The following GRIK2 variants were observed in gnomAD, a reference collection of about 807,000 sequenced individuals.
GRIK2 encodes the protein glutamate ionotropic receptor kainate type subunit 2, also known as glutamate receptor ionotropic, kainate 2.
In GRIK2, 32 loss-of-function variants were observed where a neutral mutation model predicts 100.3. The ratio of observed to expected loss-of-function variants is 0.32; its 90% CI spans 0.24 to 0.43. GRIK2 has a LOEUF of 0.43. GRIK2 is among the 20% of genes least tolerant of loss of function. The probability of loss-of-function intolerance (pLI) is 1.00; values close to 1 mark genes in which losing one functional copy is unlikely to be tolerated. For synonymous variants in GRIK2, 417 were observed against 389.4 expected (o/e 1.07, Z -0.83); for missense variants, 843 against 1,114.9 (o/e 0.76, Z 3.47).
intron 2 of GRIK2, among the ~76,000 whole-genome samples, chr6:101,418,399 C>T (rs1267168532): frequency 6.6e-6 from 1 of 152,008 alleles, no homozygotes; most frequent in Non-Finnish European, 1.5e-5. Context: ...TACTAGATTA[C>T]GTATCGAGGG....
intron 14 of GRIK2, among the ~76,000 whole-genome samples, chr6:101,979,627 G>A (rs961867745): frequency 1.3e-5 from 2 of 151,964 alleles, no homozygotes; most frequent in Non-Finnish European, 1.5e-5. Context: ...TTGGATTGCT[G>A]TGGGAGGAAT....
chr6:101,504,609 G>C (rs1267066177), intron 2 of GRIK2, among the ~76,000 whole-genome samples: 1 of 151,642 alleles, frequency 6.6e-6, no homozygotes, highest in Non-Finnish European at 1.5e-5. Flanking sequence ...TATATAGAGA[G>C]ATATAAACTG....
At chr6:101,859,143 T>C (rs1784600928) in intron 10 of GRIK2, 144 bp from the exon 11 acceptor site, 6 of 572,526 alleles carry the variant, frequency 1.0e-5, no homozygotes, top group Non-Finnish European at 1.9e-5. Flanking sequence ...ATTCTAGACT[T>C]CATTAATTAT....
At chr6:101,956,851 G>T (rs1284281298) in intron 14 of GRIK2, among the ~76,000 whole-genome samples, 4 of 128,612 alleles carry the variant, frequency 3.1e-5, no homozygotes, top group African/African-American at 7.5e-5. Context: ...AAGAATTATA[G>T]ATATATACAT....
At chr6:101,970,580 T>C (rs1792981801) in intron 14 of GRIK2, among the ~76,000 whole-genome samples, 2 of 151,772 alleles carry the variant, frequency 1.3e-5, no homozygotes, top group South Asian at 4.1e-4. Context: ...CAGGTCATTG[T>C]CATGTTCTTT....
At chr6:101,968,899 A>C (rs893493409) in intron 14 of GRIK2, among the ~76,000 whole-genome samples, 1 of 152,046 alleles carries the variant, frequency 6.6e-6, no homozygotes, top group African/African-American at 2.4e-5. Flanking sequence ...TTCATTGTTC[A>C]TAACACAATG....
chr6:101,938,489 A>T (rs1790744685), intron 14 of GRIK2, among the ~76,000 whole-genome samples: 1 of 152,124 alleles, frequency 6.6e-6, no homozygotes, highest in African/African-American at 2.4e-5. Flanking sequence ...AAACTTGGTC[A>T]AACATTGATG....
intron 11 of GRIK2, among the ~76,000 whole-genome samples, chr6:101,885,791 G>A (rs558215739): frequency 6.6e-6 from 1 of 152,004 alleles, no homozygotes; most frequent in South Asian, 2.1e-4. Context: ...CAGATGAATT[G>A]TGCAGAAAGT....
At chr6:101,407,222 C>A (rs971637026) in intron 2 of GRIK2, among the ~76,000 whole-genome samples, 5 of 152,164 alleles carry the variant, frequency 3.3e-5, no homozygotes, top group South Asian at 2.1e-4. Context: ...TCGGGTCCTT[C>A]CTTCCCCAGA....
intron 2 of GRIK2, among the ~76,000 whole-genome samples, chr6:101,437,173 C>T (rs1180528727): frequency 1.3e-5 from 2 of 152,012 alleles, no homozygotes; most frequent in African/African-American, 4.8e-5. Context: ...TGCAAGCAAG[C>T]AACAATAGAC....
chr6:101,439,908 T>A, intron 2 of GRIK2, among the ~76,000 whole-genome samples: 1 of 152,124 alleles, frequency 6.6e-6, no homozygotes, highest in Non-Finnish European at 1.5e-5. Context: ...AAAAGAAGAC[T>A]CCTGAAAAGA....
chr6:101,869,685 A>G (rs2128447645), intron 11 of GRIK2, among the ~76,000 whole-genome samples: 1 of 151,994 alleles, frequency 6.6e-6, no homozygotes, highest in Non-Finnish European at 1.5e-5. Context: ...TGAGGAAAAA[A>G]GGGCTTTATT....
chr6:101,589,700 G>A (rs570989353), intron 2 of GRIK2, among the ~76,000 whole-genome samples: 31 of 152,128 alleles, frequency 2.0e-4, no homozygotes, highest in Non-Finnish European at 3.8e-4. Context: ...GCTCAGTATT[G>A]GTTTTTATTT....
At chr6:101,708,465 C>T (rs1773487399) in intron 7 of GRIK2, among the ~76,000 whole-genome samples, 1 of 150,786 alleles carries the variant, frequency 6.6e-6, no homozygotes, top group East Asian at 2.0e-4. Context: ...TATATTTTTT[C>T]ATAATTTTTA....
chr6:101,732,906 A>T (rs1775373639), intron 7 of GRIK2, among the ~76,000 whole-genome samples: 2 of 152,080 alleles, frequency 1.3e-5, no homozygotes, highest in African/African-American at 4.8e-5. Context: ...GGAGAGAAAG[A>T]GAGAGCAAGG....
chr6:101,467,519 A>C (rs1771708150), intron 2 of GRIK2, among the ~76,000 whole-genome samples: 1 of 152,202 alleles, frequency 6.6e-6, no homozygotes, highest in Admixed American at 6.5e-5. Context: ...ATTCAAATGC[A>C]AGCTTAAGGT....
At chr6:101,707,592 GTGTATATATGTGTGTATA>G (rs1773414197) in intron 7 of GRIK2, among the ~76,000 whole-genome samples, 4 of 128,210 alleles carry the variant, frequency 3.1e-5, no homozygotes, top group East Asian at 5.1e-4. Flanking sequence ...GTGTGTGTGT[GTGTATATATGTGTGTATA>G]TATATATATA....
chr6:101,494,290 A>C (rs1006474097), intron 2 of GRIK2, among the ~76,000 whole-genome samples: 1 of 151,226 alleles, frequency 6.6e-6, no homozygotes, highest in African/African-American at 2.4e-5. Flanking sequence ...TCGAACTGTT[A>C]AATGCCCATT....
chr6:101,728,577 C>T (rs1775033949), intron 7 of GRIK2, among the ~76,000 whole-genome samples: 2 of 152,170 alleles, frequency 1.3e-5, no homozygotes, highest in South Asian at 4.1e-4. Context: ...TAAATTCTGA[C>T]AGGCACTCAT....
Sources: gnomAD v4.1 joint callset for allele counts (sites outside exome capture counted in the v4.1 genomes callset) on GRCh38, gnomAD v4.1.1 for gene constraint, MANE v1.5 for transcripts, NCBI Gene and HGNC (gene_info 2026-07-23, HGNC 2026-07-21) for gene names.